TTN: variants seen among roughly 807,000 people sequenced by gnomAD.
TTN encodes the protein titin.
A neutral mutation model predicts 3,223.0 loss-of-function variants in TTN; 1,525 were observed. That is an observed-to-expected ratio of 0.47 (90% confidence interval 0.45 to 0.49). The LOEUF (loss-of-function observed/expected upper bound fraction) is 0.49. TTN is among the 20% of genes least tolerant of loss of function. The pLI is 0.00. For missense variants in TTN, 40,786 were observed against 43,424.0 expected (o/e 0.94, Z 5.40); for synonymous variants, 14,094 against 15,161.0 (o/e 0.93, Z 5.17).
chr2:178,586,627 C>CCT lies in TTN; in HGVS notation c.64273_64274insAG (p.Ser21425LysfsTer8), dbSNP rs1310504998. The CCT allele has an allele frequency of 6.2e-7, 1 of 1,613,198 alleles. No homozygotes were observed. Among genetic ancestry groups the CCT allele is most frequent in the Non-Finnish European group, 8.5e-7 (1 of 1,179,424 alleles). ...TTCCTTTAGGCCAGTGACAACAAGG[C>CCT]TCAGATCTTTTACCACTGAGTACTC... On this transcript the variant is annotated frameshift_variant, in exon 308 of 363. Coordinates refer to ENST00000589042, the MANE Select transcript of TTN (RefSeq NM_001267550.2). LOFTEE classifies it high-confidence loss of function.
At chr2:178,639,585 G>A in intron 223 of TTN, 114 bp downstream of exon 223, 1 of 1,088,752 alleles carries the variant, frequency 9.2e-7, no homozygotes, top group Non-Finnish European at 1.4e-6. Context: ...AACCTCCGAA[G>A]TTGAAATGAT....
chr2:178,674,516 C>G, intron 150 of TTN, 107 bp from the exon 151 acceptor site: 1 of 577,414 alleles, frequency 1.7e-6, no homozygotes, highest in African/African-American at 1.9e-5. Flanking sequence ...CTTGTGTAAA[C>G]TCACTAGTCC....
chr2:178,679,447 A>G, intron 141 of TTN, 31 bp from the exon 142 acceptor site: 1 of 1,606,606 alleles, frequency 6.2e-7, no homozygotes, highest in Non-Finnish European at 8.5e-7. Context: ...GTTAAGTTCT[A>G]ACTACTAGTA....
intron 24 of TTN, 122 bp from the exon 25 acceptor site, chr2:178,778,097 G>A: frequency 7.8e-7 from 1 of 1,281,416 alleles, no homozygotes; most frequent in South Asian, 1.3e-5. Context: ...CGTATTAGAA[G>A]GCACCTCAAA....
chr2:178,611,428 A>G lies in TTN; in HGVS notation c.50801T>C (p.Ile16934Thr), dbSNP rs769512213. ...YVLRVRAVNA[I>T]GVSEPSEISE... Reference sequence around the variant, plus strand: ...GATTTCAGATGGCTCGCTGACACCAATAGCATTGACTGCTCTCACTCTCAG... The same window carrying G: ...GATTTCAGATGGCTCGCTGACACCAGTAGCATTGACTGCTCTCACTCTCAG... The change falls in exon 269 of 363, where the codon ATT becomes ACT. Residue 16934 changes from isoleucine to threonine, a missense_variant. Transcript: ENST00000589042. The G allele has an allele frequency of 6.8e-6, 11 of 1,612,882 alleles. No homozygotes were observed. The highest frequency in any genetic ancestry group is 9.3e-6 in the Non-Finnish European group (11 of 1,179,280).
Position 178,730,293 on chromosome 2 carries a change from C to A in TTN, c.18107G>T (p.Gly6036Val). Reference protein sequence around the residue: ...NTRVQLKALVGGTAPMTIKWF... With the variant: ...NTRVQLKALVVGTAPMTIKWF... ...CTTTATTGTCATGGGTGCAGTGCCA[C>A]CCACAAGAGCCTTTAACTGTACCCT... The change falls in exon 62 of 363, where the codon GGT becomes GTT. Residue 6036 changes from glycine to valine, a missense_variant. Transcript: ENST00000589042. The A allele has an allele frequency of 6.2e-7, 1 of 1,611,982 alleles. No homozygotes were observed. The highest frequency in any genetic ancestry group is 8.5e-7 in the Non-Finnish European group (1 of 1,179,004).
Position 178,533,578 on chromosome 2 carries a change from G to A in TTN, c.103037C>T (p.Ala34346Val). 6.2e-7 allele frequency: 1 copy of A among 1,613,912 alleles called. No individual in the cohort carries two copies. Residue 34346 changes from alanine to valine, a missense_variant, in exon 358 of 363, where the codon GCA (alanine) becomes GTA (valine). Transcript: ENST00000589042. ...TGGGTGTAGGGTTACTGTCAGCTTT[G>A]CTTTACAGCTGTCTTCACCATATTT... The part of the protein sequence containing the change: ...RNKYGEDSCK[A>V]KLTVTLHPPP...
At chr2:178,586,110 C>T (rs1297881844) in intron 308 of TTN, among the ~76,000 whole-genome samples, 4 of 152,052 alleles carry the variant, frequency 2.6e-5, no homozygotes, top group Non-Finnish European at 4.4e-5. Flanking sequence ...CCTGTTGTTT[C>T]CTGACTTTTT....
chr2:178,734,901 G>A lies in TTN; in HGVS notation c.15023C>T (p.Ser5008Leu). The change falls in exon 51 of 363, where the codon TCA becomes TTA. Residue 5008 changes from serine (S) to leucine (L), a missense_variant. Ser to Leu is a moderately radical substitution (Grantham distance 145, BLOSUM62 -2). Transcript: ENST00000589042. ...SARLHCKLKG[S>L]PVIQVTWFKN... ...AAACCAAGTAACCTGGATCACAGGT[G>A]AGCCTTTCAGCTTGCAATGGAGGCG... The A allele has an allele frequency of 1.2e-6, 2 of 1,613,190 alleles. No individual in the cohort carries two copies. The highest frequency in any genetic ancestry group is 2.7e-5 in the African/African-American group (2 of 75,036).
chr2:178,686,591 A>G (rs2070993664), intron 127 of TTN, among the ~76,000 whole-genome samples: 1 of 151,568 alleles, frequency 6.6e-6, no homozygotes, highest in East Asian at 1.9e-4. Flanking sequence ...CTGTTTTTTT[A>G]ATTTTTGTAG....
At chr2:178,762,349 T>C (rs950316421) in intron 43 of TTN, among the ~76,000 whole-genome samples, 4 of 152,202 alleles carry the variant, frequency 2.6e-5, no homozygotes, top group African/African-American at 9.7e-5. Flanking sequence ...TTAATGATCT[T>C]CTCAGTTTAC....
intron 60 of TTN, 25 bp downstream of exon 60, chr2:178,730,900 C>T (rs377750533): frequency 1.3e-6 from 2 of 1,555,948 alleles, no homozygotes; most frequent in African/African-American, 1.4e-5. Flanking sequence ...ATGCCCAATC[C>T]TCTCTGTAGA....
Position 178,539,178 on chromosome 2 carries a change from GGA to G in TTN, c.98755_98756del (p.Ser32919ProfsTer5). The G allele has an allele frequency of 6.2e-7, 1 of 1,613,714 alleles. No individual in the cohort carries two copies. ...TAGAACCACCATCATCTTTGGGCCG[GGA>G]CCAGGACAAGCTAACAGAACTCTTG... The part of the protein sequence containing the change: ...VTKSSVSLSW[S>X]RPKDDGGSRV... On this transcript the variant is annotated frameshift_variant, in exon 353 of 363. Transcript: ENST00000589042. LOFTEE classifies it high-confidence loss of function.
Position 178,766,404 on chromosome 2 carries a change from C to T in TTN, c.9680G>A (p.Ser3227Asn). The T allele has an allele frequency of 6.2e-7, 1 of 1,613,740 alleles. No individual in the cohort carries two copies. Among genetic ancestry groups the T allele is most frequent in the Non-Finnish European group, 8.5e-7 (1 of 1,179,666 alleles). Residue 3227 changes from serine (S) to asparagine (N), a missense_variant, in exon 41 of 363, where the codon AGT becomes AAT. Physicochemically the swap from Ser to Asn is conservative, Grantham distance 46. Coordinates refer to ENST00000589042, the MANE Select transcript of TTN (RefSeq NM_001267550.2). ...ACCATTGACATAGAGAGTGACAGAA[C>T]TCCTGTTCCTTCCTGCCACAAAGGT... The part of the protein sequence containing the change: ...EYTFVAGRNR[S>N]SVTLYVNAPE...
intron 47 of TTN, chr2:178,751,387 C>T (rs1330120646): frequency 2.5e-6 from 4 of 1,607,852 alleles, no homozygotes; most frequent in South Asian, 2.2e-5. Context: ...CTTCATCATA[C>T]ATGTAATCTG....
In TTN at chr2:178,649,243, G is replaced by A. The variant is rs753668554; in HGVS notation, c.40057+5C>T. ...AGAAATCTATTTTTTCTTCATGGTAGGTACCTTTTTCTGGAAGAACTTCTG... is the reference window on the plus strand; with the variant it reads ...AGAAATCTATTTTTTCTTCATGGTAAGTACCTTTTTCTGGAAGAACTTCTG... On this transcript the variant is annotated splice_donor_5th_base_variant and intron_variant, in intron 213 of 362. Coordinates refer to ENST00000589042, the MANE Select transcript of TTN (RefSeq NM_001267550.2). 16 of 1,499,630 alleles carry A rather than the reference G, an allele frequency of 1.1e-5. No homozygotes were observed. The South Asian group carries it at 2.1e-4, about 20-fold the overall frequency. The allele number at this position is 1,499,630 out of a possible 1,614,324, so 92.9% of individuals were successfully genotyped here.
Position 178,673,654 on chromosome 2 carries a change from C to T in TTN, c.34765G>A (p.Val11589Met), listed in dbSNP as rs1490163644. ...ATACCTTTAGCTGGTGGTGCCTCCA[C>T]TTTTTTAGGAACAGGAGTAGGTGCT... is the stretch of plus-strand genomic sequence containing the variant. ...PEAPTPVPKK[V>M]EAPPAKVSKK... is the part of the protein sequence containing the mutation. Residue 11589 changes from valine (V) to methionine (M), a missense_variant, in exon 152 of 363, where the codon GTG (valine) becomes ATG (methionine). Coordinates refer to ENST00000589042, the MANE Select transcript of TTN (RefSeq NM_001267550.2). 9 of 1,594,724 alleles carry T rather than the reference C, an allele frequency of 5.6e-6. No homozygotes were observed. Among genetic ancestry groups the T allele is most frequent in the Non-Finnish European group, 7.7e-6 (9 of 1,172,662 alleles).
chr2:178,545,980 C>T lies in TTN; in HGVS notation c.95256G>A (p.Arg31752=). 1 of 1,613,804 alleles carries T rather than the reference C, an allele frequency of 6.2e-7. No individual in the cohort carries two copies. The highest frequency in any genetic ancestry group is 8.5e-7 in the Non-Finnish European group (1 of 1,179,790). ...CGCCTTCAACAATCACCCAGTTGAGCCTGCTAGTCTCGCGTCTTTCCACGA... is the reference window on the plus strand; with the variant it reads ...CGCCTTCAACAATCACCCAGTTGAGTCTGCTAGTCTCGCGTCTTTCCACGA... ...HYIVERRETS[R]LNWVIVEGEC... Residue 31752 remains arginine, a synonymous_variant, in exon 343 of 363, where the codon AGG becomes AGA. Coordinates refer to ENST00000589042, the MANE Select transcript of TTN (RefSeq NM_001267550.2).
In TTN at chr2:178,589,730, A is replaced by G; in HGVS notation, c.61995T>C (p.Pro20665=). 6.2e-7 allele frequency: 1 copy of G among 1,613,540 alleles called. No individual in the cohort carries two copies. Among genetic ancestry groups the G allele is most frequent in the South Asian group, 1.1e-5 (1 of 91,070 alleles). ...TTTCAGGCTCACCTGGTCTGTCAATAGGGTTAATAGCCAGAATGGGAGTTT... is the reference window on the plus strand; with the variant it reads ...TTTCAGGCTCACCTGGTCTGTCAATGGGGTTAATAGCCAGAATGGGAGTTT... ...ETKTPILAIN[P]IDRPGEPENL... is the part of the protein sequence containing the mutation. The change falls in exon 304 of 363, where the codon CCT becomes CCC. Residue 20665 remains proline (P), a synonymous_variant. Coordinates refer to ENST00000589042, the MANE Select transcript of TTN (RefSeq NM_001267550.2).
Sources: gnomAD v4.1 joint callset for allele counts (sites outside exome capture counted in the v4.1 genomes callset) on GRCh38, gnomAD v4.1.1 for gene constraint, MANE v1.5 for transcripts, NCBI Gene and HGNC (gene_info 2026-07-23, HGNC 2026-07-21) for gene names.